HHIP: variants seen among roughly 807,000 people sequenced by gnomAD.
HHIP encodes the protein hedgehog-interacting protein.
A neutral mutation model predicts 74.0 loss-of-function variants in HHIP; 12 were observed. The observed-to-expected ratio is 0.16, with a 90% CI of 0.10 to 0.26. The LOEUF (loss-of-function observed/expected upper bound fraction) is 0.26. HHIP is among the 10% of genes least tolerant of loss of function. HHIP has a pLI of 1.00. For missense variants in HHIP, 788 were observed against 845.0 expected (o/e 0.93, Z 0.84); for synonymous variants, 309 against 311.6 (o/e 0.99, Z 0.09).
intron 4 of HHIP, among the ~76,000 whole-genome samples, chr4:144,684,067 A>AG: frequency 1.3e-5 from 2 of 150,796 alleles, no homozygotes; most frequent in South Asian, 2.1e-4. Context: ...CGTCTAAAAA[A>AG]AAAAGAAAAG....
intron 1 of HHIP, among the ~76,000 whole-genome samples, chr4:144,647,561 CTG>C (rs1352582513): frequency 2.0e-5 from 3 of 152,234 alleles, no homozygotes; most frequent in African/African-American, 4.8e-5. Flanking sequence ...TCACATAAAA[CTG>C]AGACGATTCT....
At chr4:144,682,528 C>T (rs1729376450) in intron 4 of HHIP, among the ~76,000 whole-genome samples, 1 of 152,084 alleles carries the variant, frequency 6.6e-6, no homozygotes, top group African/African-American at 2.4e-5. Context: ...TGAAACTTCT[C>T]TAAAAAATAA....
intron 1 of HHIP, among the ~76,000 whole-genome samples, chr4:144,652,319 A>C (rs1728446644): frequency 6.6e-6 from 1 of 152,062 alleles, no homozygotes; most frequent in East Asian, 1.9e-4. Context: ...GAGTCTAAAT[A>C]TAATTGCCTT....
intron 4 of HHIP, among the ~76,000 whole-genome samples, chr4:144,698,442 C>G (rs893228821): frequency 6.6e-6 from 1 of 152,124 alleles, no homozygotes; most frequent in African/African-American, 2.4e-5. Context: ...AAGTAACATG[C>G]TACACAGCTT....
intron 4 of HHIP, among the ~76,000 whole-genome samples, chr4:144,685,950 C>T (rs1478294130): frequency 6.6e-6 from 1 of 152,158 alleles, no homozygotes; most frequent in Non-Finnish European, 1.5e-5. Flanking sequence ...GTATAAAGAC[C>T]ACCTTCACTA....
chr4:144,666,709 T>G (rs764233440), intron 4 of HHIP, among the ~76,000 whole-genome samples: 1 of 152,112 alleles, frequency 6.6e-6, no homozygotes, highest in Non-Finnish European at 1.5e-5. Flanking sequence ...AAAACAAGAC[T>G]GGTGATGGTT....
intron 4 of HHIP, among the ~76,000 whole-genome samples, chr4:144,703,178 C>A (rs1431806369): frequency 6.6e-6 from 1 of 150,604 alleles, no homozygotes; most frequent in East Asian, 1.9e-4. Flanking sequence ...TGCGCCACTG[C>A]ACTCCAGCCT....
chr4:144,655,407 A>G (rs919467947), intron 2 of HHIP, among the ~76,000 whole-genome samples: 3 of 152,192 alleles, frequency 2.0e-5, no homozygotes, highest in Admixed American at 2.0e-4. Flanking sequence ...AAGCATATCG[A>G]TGGACGTCTA....
chr4:144,652,302 G>A (rs1160526003), intron 1 of HHIP, among the ~76,000 whole-genome samples: 1 of 151,976 alleles, frequency 6.6e-6, no homozygotes, highest in Admixed American at 6.6e-5. Context: ...AGTGATAAAG[G>A]CTTAAAGAGT....
chr4:144,648,728 G>T (rs1004083305), intron 1 of HHIP: 1 of 152,168 alleles, frequency 6.6e-6, no homozygotes, highest in African/African-American at 2.4e-5. Flanking sequence ...AGAGACATGT[G>T]GAATGAAAAT....
At chr4:144,700,908 A>G (rs1729962648) in intron 4 of HHIP, among the ~76,000 whole-genome samples, 1 of 152,188 alleles carries the variant, frequency 6.6e-6, no homozygotes, top group African/African-American at 2.4e-5. Context: ...ACAGTTCTCA[A>G]ACAAACCTGT....
chr4:144,730,967 C>T lies in HHIP; in HGVS notation c.1761-3774C>T, dbSNP rs116440773. On this transcript the variant is annotated intron_variant, in intron 11 of 12. Coordinates refer to ENST00000296575, the MANE Select transcript of HHIP (RefSeq NM_022475.3). ...GACAATCCTCTCTCTTTATCTCATG[C>T]TCACCTTGACTTCTTAGCCTTCGGT... Among the ~76,000 whole-genome samples, 335 of 152,240 alleles carry T rather than the reference C, an allele frequency of 2.2e-3. 3 individuals are homozygous for T. Among genetic ancestry groups the T allele is most frequent in the African/African-American group, 7.7e-3 (319 of 41,548 alleles).
At chr4:144,710,898 A>G (rs562699182) in intron 7 of HHIP, among the ~76,000 whole-genome samples, 2 of 152,214 alleles carry the variant, frequency 1.3e-5, no homozygotes, top group African/African-American at 2.4e-5. Context: ...GATAACTTCC[A>G]AAATTGTATT....
At chr4:144,706,740 T>C in intron 5 of HHIP, 58 bp downstream of exon 5, 1 of 1,494,482 alleles carries the variant, frequency 6.7e-7, no homozygotes, top group South Asian at 1.3e-5. Context: ...TCATCATCTT[T>C]TCATAAGTTT....
rs1017063885 is a variant in HHIP at position 144,739,215 on chromosome 4, G to A, written c.*1258G>A. 1 of 152,326 alleles carries A rather than the reference G, an allele frequency of 6.6e-6. No homozygotes were observed. Among genetic ancestry groups the A allele is most frequent in the Non-Finnish European group, 1.5e-5 (1 of 68,024 alleles). The allele number at this position is 152,326 out of a possible 1,614,324, so 9.4% of individuals were successfully genotyped here. A position where few individuals can be genotyped will look rare whatever the true frequency, so the allele number is the denominator to read the frequency against. ...GTTCAGGGTTTTACAGAGATGACAT[G>A]TTCTGACTTAAAACTGCAAAAAGTC... On this transcript the variant is annotated 3_prime_UTR_variant, in exon 13 of 13. Coordinates refer to ENST00000296575, the MANE Select transcript of HHIP (RefSeq NM_022475.3).
intron 4 of HHIP, among the ~76,000 whole-genome samples, chr4:144,705,104 C>G (rs1166782357): frequency 1.3e-5 from 2 of 152,106 alleles, no homozygotes; most frequent in African/African-American, 4.8e-5. Flanking sequence ...TATTTGCAGC[C>G]ATTTTAATAT....
rs1731175878 is a variant in HHIP, at chr4:144,738,259, T to G, written c.*302T>G. On this transcript the variant is annotated 3_prime_UTR_variant, in exon 13 of 13. Transcript: ENST00000296575. ...ATTCCATTGTAAATTGATAATGGAT[T>G]TTTTATGTTACTAGAAGAGATTATT... 1.0e-6 allele frequency: 1 copy of G among 997,256 alleles called. No individual in the cohort carries two copies. Among genetic ancestry groups the G allele is most frequent in the Non-Finnish European group, 1.2e-6 (1 of 835,278 alleles). The allele number at this position is 997,256 out of a possible 1,614,324, so 61.8% of individuals were successfully genotyped here. A position where few individuals can be genotyped will look rare whatever the true frequency, so the allele number is the denominator to read the frequency against.
intron 4 of HHIP, among the ~76,000 whole-genome samples, chr4:144,706,105 T>C (rs569849391): frequency 6.6e-6 from 1 of 152,356 alleles, no homozygotes; most frequent in Admixed American, 6.5e-5. Context: ...CAGTGGGAGT[T>C]GGCAGCCCAC....
chr4:144,733,632 G>T (rs1327127842), intron 11 of HHIP, among the ~76,000 whole-genome samples: 1 of 152,068 alleles, frequency 6.6e-6, no homozygotes, highest in Admixed American at 6.6e-5. Flanking sequence ...TCTTTTTATG[G>T]TACTTAAGGT....
Sources: gnomAD v4.1 joint callset for allele counts (sites outside exome capture counted in the v4.1 genomes callset) on GRCh38, gnomAD v4.1.1 for gene constraint, MANE v1.5 for transcripts, NCBI Gene and HGNC (gene_info 2026-07-23, HGNC 2026-07-21) for gene names.